Variants in TMEM232 observed in about 807,000 individuals in gnomAD.
TMEM232 encodes the protein transmembrane protein 232.
In TMEM232, 80 loss-of-function variants were observed where a neutral mutation model predicts 78.8. The observed-to-expected ratio is 1.01, with a 90% CI of 0.85 to 1.22. TMEM232 has a LOEUF of 1.22. Ranked by LOEUF, TMEM232 falls within the 50% of genes most tolerant of loss-of-function variation. TMEM232 has a pLI of 0.00. For synonymous variants in TMEM232, 297 were observed against 254.3 expected (o/e 1.17, Z -1.60); for missense variants, 881 against 742.2 (o/e 1.19, Z -2.17).
intron 7 of TMEM232, among the ~76,000 whole-genome samples, chr5:110,621,244 T>C (rs1206245245): frequency 6.6e-6 from 1 of 152,156 alleles, no homozygotes; most frequent in East Asian, 1.9e-4. Context: ...AATGTAATGA[T>C]GATGACTATG....
chr5:110,587,687 ATATATGTGTGTG>A (rs1417743875), intron 10 of TMEM232, among the ~76,000 whole-genome samples: 5,843 of 76,662 alleles, frequency 0.076, 92 homozygotes, highest in Admixed American at 0.1. Flanking sequence ...ATATATATAT[ATATATGTGTGTG>A]TGTGTGTGTG....
At chr5:110,640,029 G>A (rs550156321) in intron 4 of TMEM232, among the ~76,000 whole-genome samples, 71 of 152,260 alleles carry the variant, frequency 4.7e-4, no homozygotes, top group South Asian at 4.1e-4. Context: ...CACCCCCCTC[G>A]GGTTGGGCAA....
chr5:110,585,536 A>T (rs1182152384), intron 10 of TMEM232, among the ~76,000 whole-genome samples: 2 of 152,140 alleles, frequency 1.3e-5, no homozygotes, highest in Non-Finnish European at 2.9e-5. Context: ...ACCGCAAAAT[A>T]TGCCTTCTAT....
intron 12 of TMEM232, among the ~76,000 whole-genome samples, chr5:110,484,426 C>T (rs540756077): frequency 1.2e-4 from 19 of 152,046 alleles, no homozygotes; most frequent in African/African-American, 4.3e-4. Context: ...AACAAAAAGA[C>T]ATACAACATA....
intron 2 of TMEM232, among the ~76,000 whole-genome samples, chr5:110,402,948 C>T (rs1462175415): frequency 6.6e-6 from 1 of 151,992 alleles, no homozygotes; most frequent in Non-Finnish European, 1.5e-5. Flanking sequence ...AAGCTGTTCA[C>T]TATAATCTAA....
At chr5:110,734,482 C>G (rs1225376222) in intron 2 of TMEM232, among the ~76,000 whole-genome samples, 2 of 152,160 alleles carry the variant, frequency 1.3e-5, no homozygotes, top group African/African-American at 4.8e-5. Context: ...GAGGCTATGA[C>G]AAGGGTATGG....
At chr5:110,588,658 T>C (rs1214409989) in intron 10 of TMEM232, among the ~76,000 whole-genome samples, 1 of 152,090 alleles carries the variant, frequency 6.6e-6, no homozygotes, top group Admixed American at 6.6e-5. Context: ...AGCCCAGGTT[T>C]GGAAAATATG....
At chr5:110,486,004 A>G (rs1037315213) in intron 12 of TMEM232, among the ~76,000 whole-genome samples, 2 of 151,552 alleles carry the variant, frequency 1.3e-5, no homozygotes, top group African/African-American at 4.9e-5. Flanking sequence ...TTTTTTTATT[A>G]TGGCCATTCT....
chr5:110,568,554 C>T lies in TMEM232; in HGVS notation c.1348G>A (p.Gly450Arg), dbSNP rs770513886. 1.9e-6 allele frequency: 3 copies of T among 1,549,720 alleles called. No individual in the cohort carries two copies. The highest frequency in any genetic ancestry group is 1.2e-5 in the South Asian group (1 of 83,984). Residue 450 changes from glycine to arginine, a missense_variant, in exon 11 of 14, where the codon GGA becomes AGA. Transcript: ENST00000455884. The part of the protein sequence containing the change: ...NLVKISWELQ[G>R]DEEQDGLRNM... Reference sequence around the variant, plus strand: ...CTAAGTCCATCCTGTTCTTCGTCTCCTTGAAGTTCCCATGAAATTTTCACC... The same window carrying T: ...CTAAGTCCATCCTGTTCTTCGTCTCTTTGAAGTTCCCATGAAATTTTCACC...
intron 10 of TMEM232, among the ~76,000 whole-genome samples, chr5:110,603,126 C>T (rs997334246): frequency 6.6e-6 from 1 of 151,998 alleles, no homozygotes; most frequent in African/African-American, 2.4e-5. Context: ...GAATATCACA[C>T]ACCCGGGCCT....
intron 1 of TMEM232, among the ~76,000 whole-genome samples, chr5:110,706,125 G>A (rs1416329318): frequency 1.3e-5 from 2 of 151,998 alleles, no homozygotes; most frequent in African/African-American, 2.4e-5. Context: ...ATTTGAACTC[G>A]ATCCTTCTCA....
chr5:110,406,744 A>C (rs192559099), intron 2 of TMEM232, among the ~76,000 whole-genome samples: 1,612 of 152,194 alleles, frequency 0.011, 14 homozygotes, highest in Non-Finnish European at 0.018. Context: ...ATTAAGCACA[A>C]AAGACAAAAT....
intron 12 of TMEM232, among the ~76,000 whole-genome samples, chr5:110,431,196 G>C (rs1181234346): frequency 1.3e-5 from 2 of 151,434 alleles, no homozygotes; most frequent in Non-Finnish European, 3.0e-5. Flanking sequence ...AACTGAGAAG[G>C]CTAAGAAGCC....
rs146221528 is a variant in TMEM232 at position 110,507,364 on chromosome 5, A to C, written c.1703+21224T>G. Among the ~76,000 whole-genome samples, 485 of 152,198 alleles carry C rather than the reference A, an allele frequency of 3.2e-3. 2 individuals carry two copies. Among genetic ancestry groups the C allele is most frequent in the African/African-American group, 0.011 (466 of 41,512 alleles). On this transcript the variant is annotated intron_variant, in intron 12 of 13. Transcript: ENST00000455884. Reference sequence around the variant, plus strand: ...CAGCAAGTGCTACATGATGACTGGGAATGTGATGATGATTGCTGCTGCCAC... The same window carrying C: ...CAGCAAGTGCTACATGATGACTGGGCATGTGATGATGATTGCTGCTGCCAC...
chr5:110,678,539 A>C (rs1792320182), intron 1 of TMEM232, among the ~76,000 whole-genome samples: 1 of 152,152 alleles, frequency 6.6e-6, no homozygotes. Context: ...AATTACCCAA[A>C]GTCCATAGTT....
chr5:110,672,594 TA>T (rs1791504883), intron 1 of TMEM232, among the ~76,000 whole-genome samples: 1 of 152,062 alleles, frequency 6.6e-6, no homozygotes, highest in Non-Finnish European at 1.5e-5. Context: ...AATGCCTCCA[TA>T]AATATTTAGC....
rs150611977 is a variant in TMEM232, at chr5:110,672,567, A to G, written c.-12-5203T>C. ...ATAGCCAAACAACTTCAAATTTCCAAAAAGAAAAAGAAAATTAATGCCTCC... is the reference window on the plus strand; with the variant it reads ...ATAGCCAAACAACTTCAAATTTCCAGAAAGAAAAAGAAAATTAATGCCTCC... On this transcript the variant is annotated intron_variant, in intron 1 of 13. Transcript: ENST00000455884. Among the ~76,000 whole-genome samples the G allele has an allele frequency of 7.9e-5, 12 of 152,270 alleles. No individual in the cohort carries two copies. The East Asian group carries it at 2.3e-3, about 29-fold the overall frequency.
At chr5:110,424,771 T>A (rs1472988421) in intron 13 of TMEM232, 52 bp downstream of exon 13, 1 of 1,332,982 alleles carries the variant, frequency 7.5e-7, no homozygotes, top group Admixed American at 2.2e-5. Flanking sequence ...TCATTTAAAG[T>A]GCTTTTAAGG....
intron 12 of TMEM232, among the ~76,000 whole-genome samples, chr5:110,475,677 T>A (rs1763172002): frequency 6.6e-6 from 1 of 151,856 alleles, no homozygotes. Flanking sequence ...GTGGCTAGTT[T>A]GTTTGCAAGG....
Sources: allele counts gnomAD v4.1 joint callset (sites outside exome capture counted in the v4.1 genomes callset), GRCh38; gene constraint gnomAD v4.1.1; transcripts MANE v1.5; gene names NCBI Gene and HGNC (gene_info 2026-07-23, HGNC 2026-07-21).